The following CACNA1D variants were observed in gnomAD, a reference collection of about 807,000 sequenced individuals.
CACNA1D encodes the protein calcium voltage-gated channel subunit alpha1 D, also known as voltage-dependent L-type calcium channel subunit alpha-1D.
CACNA1D carries 55 observed loss-of-function variants against 257.1 expected under a neutral mutation model. The ratio of observed to expected loss-of-function variants is 0.21; its 90% CI spans 0.17 to 0.27. The LOEUF is 0.27. Among genes scored for constraint, CACNA1D ranks in the 10% least tolerant of loss-of-function variants. CACNA1D has a pLI of 1.00. For missense variants in CACNA1D, 1,876 were observed against 2,784.0 expected (o/e 0.67, Z 7.34); for synonymous variants, 980 against 1,014.9 (o/e 0.97, Z 0.65).
At chr3:53,729,925 A>T (rs148091537) in intron 15 of CACNA1D, among the ~76,000 whole-genome samples, 1 of 152,360 alleles carries the variant, frequency 6.6e-6, no homozygotes, top group African/African-American at 2.4e-5. Flanking sequence ...GGTTATTTCA[A>T]AGGAGAAAGT....
At chr3:53,688,445 G>A (rs1201746957) in intron 8 of CACNA1D, among the ~76,000 whole-genome samples, 1 of 152,092 alleles carries the variant, frequency 6.6e-6, no homozygotes, top group Non-Finnish European at 1.5e-5. Flanking sequence ...AAATTGGAGC[G>A]CCCCATCTCT....
At chr3:53,787,179 G>A (rs900486260) in intron 40 of CACNA1D, among the ~76,000 whole-genome samples, 7 of 152,190 alleles carry the variant, frequency 4.6e-5, no homozygotes, top group South Asian at 2.1e-4. Flanking sequence ...CACTACCCAC[G>A]CGGCAGGGCT....
intron 3 of CACNA1D, among the ~76,000 whole-genome samples, chr3:53,610,827 T>C (rs1329615458): frequency 6.6e-6 from 1 of 152,230 alleles, no homozygotes; most frequent in African/African-American, 2.4e-5. Flanking sequence ...GTATTTACCA[T>C]TTATAGGGCT....
At chr3:53,505,932 A>C (rs760388348) in intron 3 of CACNA1D, among the ~76,000 whole-genome samples, 2 of 152,128 alleles carry the variant, frequency 1.3e-5, no homozygotes, top group African/African-American at 4.8e-5. Context: ...TCTTTCCTCC[A>C]TGGCTGAGAT....
At chr3:53,798,431 G>C (rs965543613) in intron 40 of CACNA1D, among the ~76,000 whole-genome samples, 1 of 152,194 alleles carries the variant, frequency 6.6e-6, no homozygotes, top group African/African-American at 2.4e-5. Context: ...TGATCAGAGG[G>C]ACAGGAGAGC....
chr3:53,730,343 T>C, intron 15 of CACNA1D, 99 bp from the exon 16 acceptor site: 4 of 799,470 alleles, frequency 5.0e-6, no homozygotes, highest in Non-Finnish European at 8.9e-6. Context: ...GGTCACTTAC[T>C]ACCAGCTTCC....
Position 53,495,606 on chromosome 3 carries a change from TTCTCG to T in CACNA1D, c.67+374_67+378del, listed in dbSNP as rs1167315437. ...CAGCCGGAGCCCCCTTGCCAGCCTC[TTCTCG>T]CCTTCCACTCCTCCCCCGCCCCCTC... is the stretch of plus-strand genomic sequence containing the variant. On this transcript the variant is annotated intron_variant, in intron 1 of 47. Coordinates refer to ENST00000350061, the MANE Select transcript of CACNA1D (RefSeq NM_001128840.3). This position sits in a 1 kb window ranked among gnomAD's most constrained non-coding sequence, Gnocchi z 5.1. Among the ~76,000 whole-genome samples the T allele has an allele frequency of 6.6e-6, 1 of 152,060 alleles. No individual in the cohort carries two copies. Among genetic ancestry groups the T allele is most frequent in the African/African-American group, 2.4e-5 (1 of 41,424 alleles).
chr3:53,607,494 C>G (rs1055609289), intron 3 of CACNA1D, among the ~76,000 whole-genome samples: 12 of 152,136 alleles, frequency 7.9e-5, no homozygotes, highest in African/African-American at 2.9e-4. Flanking sequence ...ACTTTGAAGA[C>G]AGGGAAAGGA....
At chr3:53,507,681 C>T (rs375954421) in intron 3 of CACNA1D, among the ~76,000 whole-genome samples, 1 of 152,096 alleles carries the variant, frequency 6.6e-6, no homozygotes, top group African/African-American at 2.4e-5. Flanking sequence ...AGAGGAATTC[C>T]AGTGGGGGTC....
chr3:53,732,963 G>A lies in CACNA1D; in HGVS notation c.2621+1G>A. ...TCTTCATTCTTAGCAAGACCAACCC[G>A]TAAATACTCCCCTTCTAGTCTCTCA... On this transcript the variant is annotated splice_donor_variant, in intron 19 of 47. Transcript: ENST00000350061. LOFTEE classifies it high-confidence loss of function. 1.2e-6 allele frequency: 2 copies of A among 1,613,842 alleles called. No homozygotes were observed. The highest frequency in any genetic ancestry group is 1.7e-6 in the Non-Finnish European group (2 of 1,179,796).
intron 3 of CACNA1D, among the ~76,000 whole-genome samples, chr3:53,594,895 G>A (rs1163710444): frequency 6.6e-6 from 1 of 152,240 alleles, no homozygotes; most frequent in Non-Finnish European, 1.5e-5. Flanking sequence ...AGTCCCTTGA[G>A]ACTTGCAGAT....
At chr3:53,620,454 A>G (rs11718993) in intron 3 of CACNA1D, among the ~76,000 whole-genome samples, 3,242 of 152,148 alleles carry the variant, frequency 0.021, 60 homozygotes, top group Non-Finnish European at 0.032. Flanking sequence ...ACACCTGGCT[A>G]TATATTTTTT....
intron 19 of CACNA1D, among the ~76,000 whole-genome samples, chr3:53,733,333 A>G (rs1391094442): frequency 1.3e-5 from 2 of 152,226 alleles, no homozygotes; most frequent in East Asian, 1.9e-4. Context: ...CCAGCCGTGG[A>G]AATTTTTCCT....
chr3:53,665,861 TC>T, intron 6 of CACNA1D, 49 bp downstream of exon 6: 1 of 1,477,156 alleles, frequency 6.8e-7, no homozygotes, highest in Non-Finnish European at 9.4e-7. Flanking sequence ...TTTTTTGTTT[TC>T]CCCAAAGCAA....
At chr3:53,512,014 GTTTATA>G (rs957911711) in intron 3 of CACNA1D, among the ~76,000 whole-genome samples, 4 of 152,156 alleles carry the variant, frequency 2.6e-5, no homozygotes, top group East Asian at 1.9e-4. Flanking sequence ...ATGAAACACT[GTTTATA>G]TTTAAATGAC....
chr3:53,516,621 T>C (rs1184641778), intron 3 of CACNA1D, among the ~76,000 whole-genome samples: 1 of 152,162 alleles, frequency 6.6e-6, no homozygotes, highest in Non-Finnish European at 1.5e-5. Context: ...CCAAGTACAG[T>C]GTGAGGACTC....
intron 19 of CACNA1D, among the ~76,000 whole-genome samples, chr3:53,733,962 A>G (rs7431038): frequency 1.4e-5 from 2 of 140,300 alleles, no homozygotes; most frequent in African/African-American, 5.5e-5. Context: ...GTATGTATGT[A>G]TGTATGTATA....
At chr3:53,742,225 T>G (rs2095124956) in intron 21 of CACNA1D, among the ~76,000 whole-genome samples, 1 of 152,236 alleles carries the variant, frequency 6.6e-6, no homozygotes, top group African/African-American at 2.4e-5. Context: ...CACCTCTACC[T>G]CTCTTATACT....
rs185823337 is a variant in CACNA1D, at chr3:53,548,345, A to T, written c.483+46625A>T. Among the ~76,000 whole-genome samples, 291 of 137,602 alleles carry T rather than the reference A, an allele frequency of 2.1e-3. 2 individuals are homozygous for T. Among genetic ancestry groups the T allele is most frequent in the African/African-American group, 7.5e-3 (268 of 35,576 alleles). The allele number at this position is 137,602 out of a possible 152,430, so 90.3% of individuals were successfully genotyped here. On this transcript the variant is annotated intron_variant, in intron 3 of 47. Transcript: ENST00000350061. Reference sequence around the variant, plus strand: ...AAGCTGAATTGTATCCATTGTAAGCAACAAAGCTTTTTTTTTTTTTTTTTT... The same window carrying T: ...AAGCTGAATTGTATCCATTGTAAGCTACAAAGCTTTTTTTTTTTTTTTTTT...
Sources: allele counts gnomAD v4.1 joint callset (sites outside exome capture counted in the v4.1 genomes callset), GRCh38; gene constraint gnomAD v4.1.1; non-coding constraint Gnocchi (gnomAD v3.1); transcripts MANE v1.5; gene names NCBI Gene and HGNC (gene_info 2026-07-23, HGNC 2026-07-21).